Variants in HECW1 observed in about 807,000 individuals in gnomAD.
HECW1 encodes the protein E3 ubiquitin-protein ligase HECW1.
A neutral mutation model predicts 182.3 loss-of-function variants in HECW1; 61 were observed. That is an observed-to-expected ratio of 0.33 (90% confidence interval 0.27 to 0.41). The LOEUF is 0.41. Ranked by LOEUF, HECW1 falls within the 10% of genes least tolerant of loss-of-function variation. HECW1 has a pLI of 1.00. For missense variants in HECW1, 1,739 were observed against 2,108.9 expected (o/e 0.82, Z 3.44); for synonymous variants, 859 against 832.6 (o/e 1.03, Z -0.55).
intron 3 of HECW1, among the ~76,000 whole-genome samples, chr7:43,285,655 T>G (rs1228806206): frequency 6.6e-6 from 1 of 152,006 alleles, no homozygotes. Flanking sequence ...ATTAAAAAAT[T>G]TTTAAAAATA....
intron 5 of HECW1, among the ~76,000 whole-genome samples, chr7:43,354,896 T>C (rs1447536875): frequency 6.6e-6 from 1 of 152,084 alleles, no homozygotes; most frequent in East Asian, 1.9e-4. Context: ...AGGACAAAGA[T>C]GGCATCTTAA....
intron 2 of HECW1, among the ~76,000 whole-genome samples, chr7:43,230,993 C>T (rs888729666): frequency 6.6e-6 from 1 of 152,222 alleles, no homozygotes. Context: ...TTTTTCAACA[C>T]TGAATCCTCT....
At chr7:43,115,986 T>C (rs1045928748) in intron 2 of HECW1, among the ~76,000 whole-genome samples, 3 of 152,204 alleles carry the variant, frequency 2.0e-5, no homozygotes, top group Non-Finnish European at 4.4e-5. Context: ...TGGTACATCA[T>C]GTGTTCTCAG....
intron 7 of HECW1, among the ~76,000 whole-genome samples, chr7:43,398,879 AAGG>A (rs1765464703): frequency 6.6e-6 from 1 of 152,176 alleles, no homozygotes; most frequent in Non-Finnish European, 1.5e-5. Flanking sequence ...ATGAAATCAT[AAGG>A]AGTTGAAGCT....
intron 29 of HECW1, among the ~76,000 whole-genome samples, chr7:43,556,697 TA>T (rs201133014): frequency 0.016 from 2,235 of 143,824 alleles, 38 homozygotes; most frequent in African/African-American, 0.053. Context: ...CAAATTAAAT[TA>T]AAAAAAAAAA....
chr7:43,381,794 G>T (rs2074562193), intron 6 of HECW1, among the ~76,000 whole-genome samples: 1 of 152,086 alleles, frequency 6.6e-6, no homozygotes, highest in Non-Finnish European at 1.5e-5. Context: ...AAAGTGCTGG[G>T]ATTATAGGTG....
At chr7:43,273,920 C>G (rs1001926747) in intron 3 of HECW1, among the ~76,000 whole-genome samples, 1 of 150,852 alleles carries the variant, frequency 6.6e-6, no homozygotes, top group Non-Finnish European at 1.5e-5. Flanking sequence ...GGCACAATCT[C>G]GGCTCACTGC....
At chr7:43,207,895 C>T (rs1795636748) in intron 2 of HECW1, 1 of 152,136 alleles carries the variant, frequency 6.6e-6, no homozygotes, top group Non-Finnish European at 1.5e-5. Flanking sequence ...AATCTTTCTT[C>T]TCTTGGTAAT....
Position 43,524,351 on chromosome 7 carries a change from G to A in HECW1, c.4019+15230G>A, listed in dbSNP as rs115938855. 1.5e-3 allele frequency among the ~76,000 whole-genome samples: 223 copies of A among 152,320 alleles called. 1 individual carries two copies. Among genetic ancestry groups the A allele is most frequent in the African/African-American group, 5.1e-3 (211 of 41,576 alleles). On this transcript the variant is annotated intron_variant, in intron 24 of 29. Transcript: ENST00000395891. ...ATATATAAGAAGTTAGAAAATATGA[G>A]AAGACCAAACCTGAAGGCAGTAACA...
intron 2 of HECW1, among the ~76,000 whole-genome samples, chr7:43,195,357 T>C (rs1486154749): frequency 1.3e-5 from 2 of 152,182 alleles, no homozygotes; most frequent in East Asian, 1.9e-4. Context: ...AAAGGAGCTC[T>C]CAACTCCCAT....
chr7:43,463,154 A>G (rs1369135122), intron 13 of HECW1, among the ~76,000 whole-genome samples: 2 of 152,246 alleles, frequency 1.3e-5, no homozygotes, highest in Non-Finnish European at 2.9e-5. Flanking sequence ...GAGCCTTTGA[A>G]TAAGCAGAAA....
chr7:43,542,615 C>T (rs2152954256), intron 26 of HECW1, among the ~76,000 whole-genome samples: 1 of 151,900 alleles, frequency 6.6e-6, no homozygotes, highest in African/African-American at 2.4e-5. Context: ...GTTTTTCCAC[C>T]TTTTGGCTAT....
chr7:43,437,882 T>C (rs2076761219), intron 8 of HECW1, 121 bp from the exon 9 acceptor site: 3 of 979,736 alleles, frequency 3.1e-6, no homozygotes, highest in Middle Eastern at 6.6e-4. Context: ...CTGAGACCCT[T>C]TATATATAGG....
intron 2 of HECW1, among the ~76,000 whole-genome samples, chr7:43,231,745 G>A (rs1046539825): frequency 2.0e-5 from 3 of 151,974 alleles, no homozygotes; most frequent in South Asian, 2.1e-4. Flanking sequence ...GGCCAGGCGC[G>A]GTGGCTCACG....
chr7:43,220,520 C>A (rs1434956917), intron 2 of HECW1, among the ~76,000 whole-genome samples: 1 of 152,192 alleles, frequency 6.6e-6, no homozygotes, highest in African/African-American at 2.4e-5. Context: ...CATCCTAAGT[C>A]ATCTCTTAGT....
chr7:43,240,609 A>G (rs577159137), intron 2 of HECW1, among the ~76,000 whole-genome samples: 1 of 152,294 alleles, frequency 6.6e-6, no homozygotes, highest in African/African-American at 2.4e-5. Flanking sequence ...CCCAGGAGAA[A>G]CATCCTGCTT....
In HECW1 at chr7:43,243,628, C is replaced by T. The variant is rs551728081; in HGVS notation, c.-31-247C>T. On this transcript the variant is annotated intron_variant, in intron 2 of 29. Transcript: ENST00000395891. The surrounding 1 kb of genome is among the most constrained non-coding windows in gnomAD (Gnocchi z 4.0). ...AAAAAAATTCTAGGCTCATGAGTCT[C>T]ATTCCTTAAATTAAAATTTAAAATC... Among the ~76,000 whole-genome samples, 2 of 152,240 alleles carry T rather than the reference C, an allele frequency of 1.3e-5. No homozygotes were observed. The highest frequency in any genetic ancestry group is 4.8e-5 in the African/African-American group (2 of 41,540).
intron 17 of HECW1, among the ~76,000 whole-genome samples, chr7:43,488,446 AAG>A (rs370221950): frequency 4.8e-4 from 65 of 136,172 alleles, no homozygotes; most frequent in African/African-American, 1.8e-3. Flanking sequence ...GAAAGAAAGA[AAG>A]AAAGAAAGAA....
rs2078953071 is a variant in HECW1, at chr7:43,492,092, A to G, written c.3252A>G (p.Arg1084=). The G allele has an allele frequency of 6.2e-7, 1 of 1,605,606 alleles. No homozygotes were observed. The highest frequency in any genetic ancestry group is 1.7e-5 in the Admixed American group (1 of 57,572). ...AAAATTAGGCCTCAGAAGTTTCTAG[A>G]AACAGAGGAGCCTCTTTACTGGCCA... ...YSAGEASEVS[R]NRGASLLARP... is the part of the protein sequence containing the mutation. Residue 1084 remains arginine, a synonymous_variant, in exon 18 of 30, where the codon AGA becomes AGG. Coordinates refer to ENST00000395891, the MANE Select transcript of HECW1 (RefSeq NM_015052.5).
Sources: gnomAD v4.1 joint callset for allele counts (sites outside exome capture counted in the v4.1 genomes callset) on GRCh38, gnomAD v4.1.1 for gene constraint, Gnocchi (gnomAD v3.1) non-coding constraint, MANE v1.5 for transcripts, NCBI Gene and HGNC (gene_info 2026-07-23, HGNC 2026-07-21) for gene names.